COL25A1: variants seen among roughly 807,000 people sequenced by gnomAD.
COL25A1 encodes collagen alpha-1(XXV) chain.
COL25A1 carries 103 observed loss-of-function variants against 128.4 expected under a neutral mutation model. The observed-to-expected ratio is 0.80, with a 90% CI of 0.68 to 0.94. COL25A1 has a LOEUF of 0.94. Ranked by LOEUF, COL25A1 falls within the 40% of genes least tolerant of loss-of-function variation. The pLI is 0.00. For synonymous variants in COL25A1, 279 were observed against 277.2 expected, an observed-to-expected ratio of 1.01 and a Z score of -0.06; for missense variants, 745 against 840.0, an observed-to-expected ratio of 0.89 and a Z score of 1.40.
intron 3 of COL25A1, among the ~76,000 whole-genome samples, chr4:109,248,352 C>T (rs766302590): frequency 2.4e-4 from 36 of 151,872 alleles, no homozygotes; most frequent in Admixed American, 8.5e-4. Flanking sequence ...CAAGTGTGTC[C>T]AGAATATATC....
chr4:109,040,119 T>C (rs1429396863), intron 5 of COL25A1, among the ~76,000 whole-genome samples: 1 of 152,220 alleles, frequency 6.6e-6, no homozygotes, highest in Admixed American at 6.5e-5. Flanking sequence ...CTAGGTAACC[T>C]GGAACACTTT....
chr4:108,975,409 T>A (rs1752342918), intron 6 of COL25A1, among the ~76,000 whole-genome samples: 1 of 152,220 alleles, frequency 6.6e-6, no homozygotes, highest in African/African-American at 2.4e-5. Context: ...TGAGCTGAGA[T>A]TGTGCCACTG....
intron 32 of COL25A1, 149 bp downstream of exon 32, chr4:108,832,231 C>T (rs749381437): frequency 1.7e-6 from 1 of 580,182 alleles, no homozygotes; most frequent in Non-Finnish European, 3.0e-6. Flanking sequence ...AATATTAGGA[C>T]TCTGAATAGA....
intron 3 of COL25A1, among the ~76,000 whole-genome samples, chr4:109,155,610 A>C (rs747802539): frequency 2.0e-4 from 31 of 152,346 alleles, no homozygotes; most frequent in Non-Finnish European, 3.4e-4. Flanking sequence ...CAATGAATGA[A>C]TGAATCTTAG....
At chr4:108,983,234 G>A (rs116836898) in intron 6 of COL25A1, among the ~76,000 whole-genome samples, 104 of 152,060 alleles carry the variant, frequency 6.8e-4, no homozygotes, top group African/African-American at 2.5e-3. Flanking sequence ...TGAACTCCAT[G>A]GTGAAAGACT....
chr4:109,262,885 T>C (rs995974652), intron 3 of COL25A1, among the ~76,000 whole-genome samples: 3 of 152,122 alleles, frequency 2.0e-5, no homozygotes, highest in African/African-American at 7.2e-5. Context: ...ATCCCAGCAC[T>C]TTGGGAGGCC....
At chr4:109,054,571 A>T (rs958977510) in intron 3 of COL25A1, among the ~76,000 whole-genome samples, 3 of 152,212 alleles carry the variant, frequency 2.0e-5, no homozygotes, top group African/African-American at 7.2e-5. Flanking sequence ...ATTTTGACAC[A>T]TTCTAATAAA....
At chr4:108,824,508 C>T (rs1212734425) in intron 34 of COL25A1, among the ~76,000 whole-genome samples, 1 of 152,190 alleles carries the variant, frequency 6.6e-6, no homozygotes, top group Non-Finnish European at 1.5e-5. Flanking sequence ...CTGATTTGTG[C>T]AGATTTGGGC....
chr4:109,143,001 T>C (rs1304563225), intron 3 of COL25A1, among the ~76,000 whole-genome samples: 1 of 152,226 alleles, frequency 6.6e-6, no homozygotes, highest in African/African-American at 2.4e-5. Context: ...TTCTTCATAG[T>C]GTCAATGGTC....
chr4:108,994,557 AG>A (rs1215229080), intron 6 of COL25A1, among the ~76,000 whole-genome samples: 3 of 152,224 alleles, frequency 2.0e-5, no homozygotes, highest in Non-Finnish European at 4.4e-5. Flanking sequence ...AAAAGGCAGC[AG>A]ACAGCTTCTA....
intron 8 of COL25A1, among the ~76,000 whole-genome samples, chr4:108,965,898 A>C (rs1355856034): frequency 6.6e-6 from 1 of 152,236 alleles, no homozygotes; most frequent in Non-Finnish European, 1.5e-5. Context: ...CAGCATTATG[A>C]AGAGCAGAAA....
intron 3 of COL25A1, among the ~76,000 whole-genome samples, chr4:109,135,731 G>C (rs1769676114): frequency 6.6e-6 from 1 of 151,932 alleles, no homozygotes; most frequent in South Asian, 2.1e-4. Flanking sequence ...AAGTCATAAA[G>C]CATGAGAGGC....
chr4:108,854,517 G>GA (rs980462435), intron 24 of COL25A1, among the ~76,000 whole-genome samples: 31 of 151,254 alleles, frequency 2.0e-4, no homozygotes, highest in Non-Finnish European at 4.6e-4. Flanking sequence ...AAATTTACAA[G>GA]AAAAAAAACC....
chr4:108,987,120 T>C (rs1753724571), intron 6 of COL25A1, among the ~76,000 whole-genome samples: 1 of 152,222 alleles, frequency 6.6e-6, no homozygotes, highest in Admixed American at 6.5e-5. Flanking sequence ...TTCCCATTCA[T>C]GCCAAATAAA....
intron 5 of COL25A1, among the ~76,000 whole-genome samples, chr4:109,034,160 G>C (rs1759123060): frequency 6.6e-6 from 1 of 152,076 alleles, no homozygotes; most frequent in Non-Finnish European, 1.5e-5. Flanking sequence ...TTACCTAAAA[G>C]TTCTCATTAT....
intron 18 of COL25A1, among the ~76,000 whole-genome samples, chr4:108,887,584 CT>C (rs368897740): frequency 3.9e-4 from 59 of 152,224 alleles, no homozygotes; most frequent in African/African-American, 1.3e-3. Flanking sequence ...GACTGTAAGA[CT>C]TTAAGGATTC....
At chr4:109,106,807 G>A (rs1023940823) in intron 3 of COL25A1, among the ~76,000 whole-genome samples, 4 of 152,068 alleles carry the variant, frequency 2.6e-5, no homozygotes, top group Non-Finnish European at 5.9e-5. Context: ...TCGCTCTGTT[G>A]CCCAGCATGA....
intron 6 of COL25A1, among the ~76,000 whole-genome samples, chr4:108,989,454 T>C (rs1458855970): frequency 6.6e-6 from 1 of 152,234 alleles, no homozygotes; most frequent in African/African-American, 2.4e-5. Context: ...AAAATGATAA[T>C]TGATGATATT....
At chr4:108,829,761 C>T (rs764244903) in intron 32 of COL25A1, among the ~76,000 whole-genome samples, 10 of 152,188 alleles carry the variant, frequency 6.6e-5, no homozygotes, top group Non-Finnish European at 1.0e-4. Flanking sequence ...AAGCTATTAA[C>T]GACAATTCCA....
Sources: allele counts gnomAD v4.1 joint callset (sites outside exome capture counted in the v4.1 genomes callset), GRCh38; gene constraint gnomAD v4.1.1; transcripts MANE v1.5; gene names NCBI Gene and HGNC (gene_info 2026-07-23, HGNC 2026-07-21).